The following SORCS2 variants were observed in gnomAD, a reference collection of about 807,000 sequenced individuals.
SORCS2 encodes VPS10 domain-containing receptor SorCS2.
SORCS2 carries 100 observed loss-of-function variants against 141.6 expected under a neutral mutation model. The observed-to-expected ratio is 0.71, with a 90% CI of 0.60 to 0.83. The LOEUF is 0.83. Ranked by LOEUF, SORCS2 falls within the 40% of genes least tolerant of loss-of-function variation. The pLI, the probability that SORCS2 is intolerant of heterozygous loss-of-function variation, is 0.00. For missense variants in SORCS2, 1,646 were observed against 1,560.2 expected (o/e 1.05, Z -0.93); for synonymous variants, 789 against 676.9 (o/e 1.17, Z -2.57).
chr4:7,205,928 C>T (rs1270518990), intron 1 of SORCS2, among the ~76,000 whole-genome samples: 1 of 152,184 alleles, frequency 6.6e-6, no homozygotes, highest in African/African-American at 2.4e-5. Context: ...CGCCTATAAT[C>T]CCAGCTACCC....
chr4:7,255,216 A>G (rs1713773713), intron 1 of SORCS2, among the ~76,000 whole-genome samples: 1 of 151,844 alleles, frequency 6.6e-6, no homozygotes, highest in African/African-American at 2.4e-5. Flanking sequence ...GAAGAAGGCA[A>G]GTGTAACCAG....
intron 11 of SORCS2, among the ~76,000 whole-genome samples, chr4:7,691,755 G>T (rs368573783): frequency 6.6e-6 from 1 of 152,056 alleles, no homozygotes; most frequent in Admixed American, 6.5e-5. Flanking sequence ...CTCAATGACA[G>T]GGTATTTAAA....
chr4:7,480,838 A>C (rs12502835), intron 2 of SORCS2, among the ~76,000 whole-genome samples: 33,933 of 152,178 alleles, frequency 0.22, 4,236 homozygotes, highest in African/African-American at 0.35. Context: ...GAGCAGGTGT[A>C]CCCCACAGCG....
In SORCS2 at chr4:7,196,380, T is replaced by C. The variant is rs576147566; in HGVS notation, c.480+3254T>C. Reference sequence around the variant, plus strand: ...CCTCTGGGGTTGCGGTTTCATGTTATTCCTATGGGGAATGTGCTGTGCCCC... The same window carrying C: ...CCTCTGGGGTTGCGGTTTCATGTTACTCCTATGGGGAATGTGCTGTGCCCC... On this transcript the variant is annotated intron_variant, in intron 1 of 26. Coordinates refer to ENST00000507866, the MANE Select transcript of SORCS2 (RefSeq NM_020777.3). Among the ~76,000 whole-genome samples, 9 of 152,300 alleles carry C rather than the reference T, an allele frequency of 5.9e-5. No individual in the cohort carries two copies. In the South Asian group the frequency reaches 1.9e-3, roughly 32 times the overall value.
At chr4:7,657,507 A>G (rs1242374031) in intron 5 of SORCS2, among the ~76,000 whole-genome samples, 4 of 150,402 alleles carry the variant, frequency 2.7e-5, no homozygotes, top group Non-Finnish European at 6.0e-5. Flanking sequence ...GAGTAAATGA[A>G]TGAGTAAATA....
At chr4:7,326,740 A>C (rs2108957401) in intron 1 of SORCS2, among the ~76,000 whole-genome samples, 1 of 152,306 alleles carries the variant, frequency 6.6e-6, no homozygotes, top group East Asian at 1.9e-4. Flanking sequence ...GACAGCGGAG[A>C]GGCTGGAGGC....
At chr4:7,711,309 G>T (rs1331507178) in intron 14 of SORCS2, among the ~76,000 whole-genome samples, 1 of 152,168 alleles carries the variant, frequency 6.6e-6, no homozygotes, top group East Asian at 1.9e-4. Flanking sequence ...CTCAGACCCA[G>T]CTGTCATGTC....
At position 7,192,645 on chromosome 4, in the gene SORCS2, C is replaced by G; in HGVS notation, c.-2C>G. The G allele has an allele frequency of 1.0e-6, 1 of 987,490 alleles. No homozygotes were observed. The highest frequency in any genetic ancestry group is 1.2e-6 in the Non-Finnish European group (1 of 832,392). 61.2% of individuals were successfully genotyped at this position (987,490 alleles called of 1,614,324 possible). A position where few individuals can be genotyped will look rare whatever the true frequency, so the allele number is the denominator to read the frequency against. On this transcript the variant is annotated 5_prime_UTR_variant, in exon 1 of 27. Coordinates refer to ENST00000507866, the MANE Select transcript of SORCS2 (RefSeq NM_020777.3). This position sits in a 1 kb window ranked among gnomAD's most constrained non-coding sequence, Gnocchi z 4.0. ...CCGGCTCCGCTGCCGCCCCTGGCGA[C>G]CATGGCGCACCGGGGGCCCTCGCGC...
intron 4 of SORCS2, among the ~76,000 whole-genome samples, chr4:7,652,604 A>T (rs1320468276): frequency 6.6e-6 from 1 of 151,458 alleles, no homozygotes; most frequent in Non-Finnish European, 1.5e-5. Context: ...GAACCCTCTC[A>T]CCCTCTTTGC....
chr4:7,352,787 AT>A (rs1213662279), intron 1 of SORCS2, among the ~76,000 whole-genome samples: 10 of 152,150 alleles, frequency 6.6e-5, no homozygotes, highest in African/African-American at 2.4e-4. Flanking sequence ...GCATGTCTTT[AT>A]GGGCCAGGGA....
At chr4:7,288,726 C>T (rs1449686644) in intron 1 of SORCS2, among the ~76,000 whole-genome samples, 1 of 143,654 alleles carries the variant, frequency 7.0e-6, no homozygotes, top group African/African-American at 2.6e-5. Flanking sequence ...CACCTTCTTA[C>T]AGTCCCTGTC....
At chr4:7,383,041 A>G (rs1723084549) in intron 1 of SORCS2, among the ~76,000 whole-genome samples, 2 of 152,182 alleles carry the variant, frequency 1.3e-5, no homozygotes, top group African/African-American at 4.8e-5. Context: ...AATGGAGGAA[A>G]AGGCCATGAA....
intron 1 of SORCS2, among the ~76,000 whole-genome samples, chr4:7,215,451 C>T (rs539368320): frequency 9.2e-5 from 14 of 152,330 alleles, no homozygotes; most frequent in South Asian, 4.1e-4. Context: ...GCCTCCCTGA[C>T]GAGCGCGACC....
chr4:7,720,826 G>A (rs777697986), intron 18 of SORCS2, among the ~76,000 whole-genome samples: 8 of 152,218 alleles, frequency 5.3e-5, no homozygotes, highest in Non-Finnish European at 8.8e-5. Flanking sequence ...TAAAAATAGC[G>A]CCAGCATGAA....
At chr4:7,671,536 G>A (rs79970055) in intron 8 of SORCS2, among the ~76,000 whole-genome samples, 6,464 of 152,084 alleles carry the variant, frequency 0.043, 451 homozygotes, top group African/African-American at 0.15. Flanking sequence ...GGAACCAAAA[G>A]AAATTCTGGA....
At chr4:7,461,976 T>C (rs1383102025) in intron 2 of SORCS2, among the ~76,000 whole-genome samples, 1 of 152,222 alleles carries the variant, frequency 6.6e-6, no homozygotes, top group Non-Finnish European at 1.5e-5. Context: ...TGGACACAGC[T>C]GGCATCTGAA....
intron 2 of SORCS2, among the ~76,000 whole-genome samples, chr4:7,402,931 A>C (rs970859402): frequency 6.6e-6 from 1 of 151,330 alleles, no homozygotes; most frequent in Non-Finnish European, 1.5e-5. Flanking sequence ...CTTGACCCGT[A>C]CCTCTCTACT....
intron 4 of SORCS2, among the ~76,000 whole-genome samples, chr4:7,640,846 C>T (rs73202521): frequency 0.14 from 21,496 of 151,956 alleles, 1,664 homozygotes; most frequent in Middle Eastern, 0.18. Context: ...GGTCAGGGAA[C>T]GAGAGGAATA....
At chr4:7,739,493 G>A (rs556693179) in intron 26 of SORCS2, among the ~76,000 whole-genome samples, 18 of 152,294 alleles carry the variant, frequency 1.2e-4, no homozygotes, top group South Asian at 2.1e-4. Flanking sequence ...CTTGGTCCAC[G>A]CCAGCCTTGC....
Sources: gnomAD v4.1 joint callset for allele counts (sites outside exome capture counted in the v4.1 genomes callset) on GRCh38, gnomAD v4.1.1 for gene constraint, Gnocchi (gnomAD v3.1) non-coding constraint, MANE v1.5 for transcripts, NCBI Gene and HGNC (gene_info 2026-07-23, HGNC 2026-07-21) for gene names.